The following ERBB4 variants were observed in gnomAD, a reference collection of about 807,000 sequenced individuals.
ERBB4 encodes the protein receptor tyrosine-protein kinase erbB-4.
Under a neutral mutation model 158.0 loss-of-function variants are expected in ERBB4, and 42 were observed. The observed-to-expected ratio is 0.27, with a 90% CI of 0.21 to 0.34. The LOEUF (loss-of-function observed/expected upper bound fraction) is 0.34. Ranked by LOEUF, ERBB4 falls within the 10% of genes least tolerant of loss-of-function variation. ERBB4 has a pLI of 1.00. For missense variants in ERBB4, 1,333 were observed against 1,624.1 expected (o/e 0.82, Z 3.08); for synonymous variants, 583 against 558.7 (o/e 1.04, Z -0.61).
chr2:211,500,941 C>T (rs775343849), intron 20 of ERBB4, among the ~76,000 whole-genome samples: 5 of 151,922 alleles, frequency 3.3e-5, no homozygotes, highest in Admixed American at 6.6e-5. Context: ...CAAAAAGAAA[C>T]ATTTTTCTTT....
At chr2:211,729,339 T>G (rs775020668) in intron 5 of ERBB4, among the ~76,000 whole-genome samples, 1 of 151,768 alleles carries the variant, frequency 6.6e-6, no homozygotes, top group Non-Finnish European at 1.5e-5. Flanking sequence ...TTTTTCAAAG[T>G]AAATTACATT....
intron 19 of ERBB4, among the ~76,000 whole-genome samples, chr2:211,576,278 G>T (rs1471453344): frequency 3.3e-5 from 5 of 152,146 alleles, no homozygotes; most frequent in African/African-American, 1.2e-4. Context: ...CACTGTGAGA[G>T]GGTAAGCAAG....
intron 1 of ERBB4, among the ~76,000 whole-genome samples, chr2:212,296,435 G>A (rs558844597): frequency 3.9e-5 from 6 of 151,968 alleles, no homozygotes; most frequent in African/African-American, 1.4e-4. Flanking sequence ...AATTTGTAGT[G>A]TCATATATAA....
At chr2:211,701,620 C>T (rs756106484) in intron 12 of ERBB4, among the ~76,000 whole-genome samples, 12 of 151,798 alleles carry the variant, frequency 7.9e-5, no homozygotes, top group South Asian at 2.1e-4. Flanking sequence ...TAGCCGGGCG[C>T]GGCGGCGGGC....
chr2:211,401,650 T>C (rs2063044514), intron 25 of ERBB4, among the ~76,000 whole-genome samples: 1 of 152,050 alleles, frequency 6.6e-6, no homozygotes, highest in African/African-American at 2.4e-5. Context: ...ATCACCTCTT[T>C]AATAAATTGA....
intron 2 of ERBB4, among the ~76,000 whole-genome samples, chr2:212,099,146 A>C (rs1347915969): frequency 2.4e-4 from 3 of 12,370 alleles, no homozygotes; most frequent in Non-Finnish European, 6.6e-4. Context: ...CCCTCTCTAA[A>C]ATAAATAAAT....
chr2:211,773,084 A>G (rs1055192513), intron 4 of ERBB4, among the ~76,000 whole-genome samples: 1 of 150,348 alleles, frequency 6.7e-6, no homozygotes, highest in African/African-American at 2.5e-5. Flanking sequence ...CGCCTTGTCA[A>G]TAACTGGTTT....
At position 211,481,412 on chromosome 2, in the gene ERBB4, G is replaced by A. The variant is rs189778478; in HGVS notation, c.2488-50312C>T. On this transcript the variant is annotated intron_variant, in intron 20 of 27. Coordinates refer to ENST00000342788, the MANE Select transcript of ERBB4 (RefSeq NM_005235.3). Reference sequence around the variant, plus strand: ...CTGAATTTTTTACAGCATTCTAAAGGCAGGGTAAAGTTAACACAGCACTAG... The same window carrying A: ...CTGAATTTTTTACAGCATTCTAAAGACAGGGTAAAGTTAACACAGCACTAG... Among the ~76,000 whole-genome samples, 5 of 152,112 alleles carry A rather than the reference G, an allele frequency of 3.3e-5. No homozygotes were observed. In the East Asian group the frequency reaches 9.7e-4, roughly 29 times the overall value.
rs72947669 is a variant in ERBB4 at position 211,379,308 on chromosome 2, T to C, written c.*4307A>G. 3,748 of 228,658 alleles carry C rather than the reference T, an allele frequency of 0.016. 78 individuals are homozygous for C. Among genetic ancestry groups the C allele is most frequent in the East Asian group, 0.079 (1,248 of 15,892 alleles). The allele number at this position is 228,658 out of a possible 1,614,324, so 14.2% of individuals were successfully genotyped here. A position where few individuals can be genotyped will look rare whatever the true frequency, so the allele number is the denominator to read the frequency against. Reference sequence around the variant, plus strand: ...TCTTGAAGACCCTTACTTAGTCATATGTAACATGTTTGCCTATTAAATTCT... The same window carrying C: ...TCTTGAAGACCCTTACTTAGTCATACGTAACATGTTTGCCTATTAAATTCT... On this transcript the variant is annotated 3_prime_UTR_variant, in exon 28 of 28. Transcript: ENST00000342788.
At chr2:212,106,674 C>T (rs1389222425) in intron 2 of ERBB4, among the ~76,000 whole-genome samples, 1 of 152,242 alleles carries the variant, frequency 6.6e-6, no homozygotes, top group East Asian at 1.9e-4. Context: ...CAGAGACCTT[C>T]AAAGCAGCCC....
intron 12 of ERBB4, among the ~76,000 whole-genome samples, chr2:211,688,985 C>G: frequency 6.6e-6 from 1 of 152,008 alleles, no homozygotes; most frequent in South Asian, 2.1e-4. Context: ...AATGAAATAT[C>G]ATATATTATG....
At chr2:211,882,390 T>C (rs1196856154) in intron 3 of ERBB4, among the ~76,000 whole-genome samples, 1 of 152,114 alleles carries the variant, frequency 6.6e-6, no homozygotes, top group Non-Finnish European at 1.5e-5. Context: ...TTTTTTATTT[T>C]TATCTTTTAA....
intron 2 of ERBB4, among the ~76,000 whole-genome samples, chr2:211,991,597 A>G (rs1366172429): frequency 1.9e-4 from 29 of 152,096 alleles, no homozygotes. Context: ...TTTTTTTCCA[A>G]GATAATAGAC....
At chr2:212,014,821 A>C (rs1235695592) in intron 2 of ERBB4, among the ~76,000 whole-genome samples, 4 of 151,586 alleles carry the variant, frequency 2.6e-5, no homozygotes, top group Admixed American at 2.6e-4. Flanking sequence ...TGAGTAAAAA[A>C]ATGTACATAA....
At chr2:211,810,509 C>T (rs1323675847) in intron 3 of ERBB4, among the ~76,000 whole-genome samples, 1 of 152,036 alleles carries the variant, frequency 6.6e-6, no homozygotes, top group Non-Finnish European at 1.5e-5. Context: ...ACTAGGATTG[C>T]AACCCCGGCC....
intron 14 of ERBB4, among the ~76,000 whole-genome samples, chr2:211,672,343 A>G (rs1011247101): frequency 6.6e-6 from 1 of 152,132 alleles, no homozygotes; most frequent in African/African-American, 2.4e-5. Context: ...AAGGATGAAA[A>G]TGATACTTAG....
chr2:211,693,546 C>T (rs1436983913), intron 12 of ERBB4, among the ~76,000 whole-genome samples: 1 of 152,124 alleles, frequency 6.6e-6, no homozygotes, highest in African/African-American at 2.4e-5. Context: ...GTTAGGATCA[C>T]ATGTTCTCAA....
chr2:211,580,867 A>AT (rs1491090280), intron 19 of ERBB4, among the ~76,000 whole-genome samples: 450 of 1,190 alleles, frequency 0.38, 33 homozygotes, highest in Middle Eastern at 0.5. Flanking sequence ...ATGCATATAC[A>AT]TATATATATA....
intron 16 of ERBB4, among the ~76,000 whole-genome samples, chr2:211,651,466 T>C (rs778024325): frequency 9.3e-4 from 141 of 152,164 alleles, no homozygotes; most frequent in Non-Finnish European, 1.4e-3. Flanking sequence ...AATATACACA[T>C]ACCTTTCCCA....
Sources: gnomAD v4.1 joint callset for allele counts (sites outside exome capture counted in the v4.1 genomes callset) on GRCh38, gnomAD v4.1.1 for gene constraint, MANE v1.5 for transcripts, NCBI Gene and HGNC (gene_info 2026-07-23, HGNC 2026-07-21) for gene names.